Variants in PRKG1 observed in about 807,000 individuals in gnomAD.
PRKG1 encodes the protein cGMP-dependent protein kinase 1.
Under a neutral mutation model 88.1 loss-of-function variants are expected in PRKG1, and 35 were observed. That is an observed-to-expected ratio of 0.40 (90% CI 0.30 to 0.53). The LOEUF (loss-of-function observed/expected upper bound fraction) is 0.53, where lower values mean the gene tolerates loss of function less well. Ranked by LOEUF, PRKG1 falls within the 20% of genes least tolerant of loss-of-function variation. The pLI is 0.59. For missense variants in PRKG1, 540 were observed against 839.8 expected (o/e 0.64, Z 4.41); for synonymous variants, 303 against 292.5 (o/e 1.04, Z -0.37).
rs117284450 is a variant in PRKG1 at position 51,287,274 on chromosome 10, G to A, written c.478+133944G>A. On this transcript the variant is annotated intron_variant, in intron 2 of 17. Transcript: ENST00000373980. ...TCAGGTTTGTAGAGTATTTACTGAG[G>A]GCCAGGTGGTATATAGACACTCACT... is the stretch of plus-strand genomic sequence containing the variant. Among the ~76,000 whole-genome samples the A allele has an allele frequency of 2.5e-3, 379 of 152,160 alleles. 1 individual carries two copies. Among genetic ancestry groups the A allele is most frequent in the Non-Finnish European group, 4.7e-3 (323 of 68,016 alleles).
chr10:51,673,255 GA>G (rs1564600808), intron 3 of PRKG1, among the ~76,000 whole-genome samples: 1 of 152,174 alleles, frequency 6.6e-6, no homozygotes, highest in Non-Finnish European at 1.5e-5. Flanking sequence ...CAAGTGCTAA[GA>G]AGAAAAATTA....
At position 51,834,882 on chromosome 10, in the gene PRKG1, G is replaced by A. The variant is rs551628143; in HGVS notation, c.698+30192G>A. Among the ~76,000 whole-genome samples, 105 of 152,206 alleles carry A rather than the reference G, an allele frequency of 6.9e-4. 1 individual carries two copies. The highest frequency in any genetic ancestry group is 3.0e-3 in the Admixed American group (46 of 15,282). ...AAGTGAGATGGAAAAGGGTCACTGA[G>A]TCTTGGGGCCTCCAGAAACATCAGA... is the stretch of plus-strand genomic sequence containing the variant. On this transcript the variant is annotated intron_variant, in intron 4 of 17. Coordinates refer to ENST00000373980, the MANE Select transcript of PRKG1 (RefSeq NM_006258.4).
At chr10:51,755,981 G>A (rs982865635) in intron 3 of PRKG1, among the ~76,000 whole-genome samples, 7 of 152,050 alleles carry the variant, frequency 4.6e-5, no homozygotes, top group South Asian at 2.1e-4. Context: ...TGCATTTATC[G>A]TTATTTAAAG....
intron 1 of PRKG1, among the ~76,000 whole-genome samples, chr10:51,053,872 ACT>A (rs1219780617): frequency 1.5e-4 from 23 of 150,550 alleles, no homozygotes; most frequent in African/African-American, 5.1e-4. Flanking sequence ...TTGGCAACTG[ACT>A]CTTCTCAACC....
In PRKG1 at chr10:52,294,618, T is replaced by A; in HGVS notation, c.*718T>A. On this transcript the variant is annotated 3_prime_UTR_variant, in exon 18 of 18. Coordinates refer to ENST00000373980, the MANE Select transcript of PRKG1 (RefSeq NM_006258.4). ...CTGAAAAATAATGCATGATATTTGT[T>A]TGTTTTTTTTGATAAATTGGCATGA... 1 of 152,456 alleles carries A rather than the reference T, an allele frequency of 6.6e-6. No individual in the cohort carries two copies. Among genetic ancestry groups the A allele is most frequent in the African/African-American group, 2.4e-5 (1 of 41,454 alleles). The allele number at this position is 152,456 out of a possible 1,614,324, so 9.4% of individuals were successfully genotyped here.
intron 4 of PRKG1, among the ~76,000 whole-genome samples, chr10:51,875,140 C>T (rs1841261886): frequency 6.6e-6 from 1 of 152,090 alleles, no homozygotes; most frequent in South Asian, 2.1e-4. Flanking sequence ...AAATTCAACT[C>T]TATCTTTCAA....
At chr10:52,228,046 G>A (rs908218268) in intron 9 of PRKG1, among the ~76,000 whole-genome samples, 1 of 152,094 alleles carries the variant, frequency 6.6e-6, no homozygotes, top group East Asian at 1.9e-4. Context: ...TCTAAAGCAG[G>A]TGATACATAA....
intron 3 of PRKG1, among the ~76,000 whole-genome samples, chr10:51,512,316 A>G (rs1400591970): frequency 2.1e-5 from 3 of 144,978 alleles, no homozygotes; most frequent in Non-Finnish European, 4.5e-5. Context: ...TTAGCATTAG[A>G]TATATCTCCC....
Position 51,724,869 on chromosome 10 carries a change from C to T in PRKG1, c.593-79716C>T, listed in dbSNP as rs1207853411. Among the ~76,000 whole-genome samples the T allele has an allele frequency of 2.5e-4, 28 of 110,734 alleles. 1 individual carries two copies. In the South Asian group the frequency reaches 3.6e-3, roughly 14 times the overall value. The allele number at this position is 110,734 out of a possible 152,430, so 72.6% of individuals were successfully genotyped here. On this transcript the variant is annotated intron_variant, in intron 3 of 17. Transcript: ENST00000373980. ...CTACCATGCCTGGCTAATTTTTGTA[C>T]TTTTTTTTTTTTTTTTTTTTTGTAA...
chr10:52,193,841 T>G (rs969584364), intron 9 of PRKG1, among the ~76,000 whole-genome samples: 8 of 152,180 alleles, frequency 5.3e-5, no homozygotes, highest in Non-Finnish European at 1.0e-4. Flanking sequence ...GTTGCTTTTT[T>G]AAAATGTATG....
At chr10:51,342,103 G>T in intron 2 of PRKG1, among the ~76,000 whole-genome samples, 1 of 152,150 alleles carries the variant, frequency 6.6e-6, no homozygotes. Flanking sequence ...AAGATGACAC[G>T]TATTTTAGCC....
chr10:52,033,495 G>A (rs1241328536), intron 5 of PRKG1, among the ~76,000 whole-genome samples: 1 of 152,012 alleles, frequency 6.6e-6, no homozygotes. Flanking sequence ...ATTTTTTATG[G>A]ACTATGTTTA....
intron 3 of PRKG1, among the ~76,000 whole-genome samples, chr10:51,580,241 C>A (rs1837996177): frequency 6.6e-6 from 1 of 152,044 alleles, no homozygotes; most frequent in South Asian, 2.1e-4. Context: ...ATTTTAAGTT[C>A]TATTTCATAG....
At chr10:52,239,287 A>C (rs1026541589) in intron 9 of PRKG1, among the ~76,000 whole-genome samples, 1 of 146,964 alleles carries the variant, frequency 6.8e-6, no homozygotes, top group African/African-American at 2.5e-5. Context: ...TAACCTGCAC[A>C]ATGTGCACAT....
intron 2 of PRKG1, among the ~76,000 whole-genome samples, chr10:51,427,893 G>A (rs1257243337): frequency 2.0e-5 from 3 of 152,168 alleles, no homozygotes; most frequent in Non-Finnish European, 4.4e-5. Flanking sequence ...ACCAGGTGGT[G>A]AAGAATTAGA....
At chr10:52,279,654 G>GA (rs931574945) in intron 12 of PRKG1, among the ~76,000 whole-genome samples, 21 of 148,664 alleles carry the variant, frequency 1.4e-4, no homozygotes, top group Admixed American at 8.0e-4. Context: ...CCACAATTTT[G>GA]AAAAAAAAAT....
At chr10:51,686,642 A>G (rs921987948) in intron 3 of PRKG1, among the ~76,000 whole-genome samples, 8 of 152,188 alleles carry the variant, frequency 5.3e-5, no homozygotes, top group Non-Finnish European at 8.8e-5. Flanking sequence ...TGTTTCCCCC[A>G]TAGGCAAACA....
chr10:51,986,196 G>GA (rs941092531), intron 5 of PRKG1, among the ~76,000 whole-genome samples: 22 of 151,594 alleles, frequency 1.5e-4, no homozygotes, highest in South Asian at 6.2e-4. Context: ...TCTTAAAATT[G>GA]AAAAAAAATT....
intron 5 of PRKG1, among the ~76,000 whole-genome samples, chr10:51,942,760 T>A (rs1191572038): frequency 6.6e-6 from 1 of 151,416 alleles, no homozygotes; most frequent in Non-Finnish European, 1.5e-5. Flanking sequence ...ATCAGATAGT[T>A]GTAGATATAT....
Sources: allele counts gnomAD v4.1 joint callset (sites outside exome capture counted in the v4.1 genomes callset), GRCh38; gene constraint gnomAD v4.1.1; transcripts MANE v1.5; gene names NCBI Gene and HGNC (gene_info 2026-07-23, HGNC 2026-07-21).